APCDD1L: variants seen among roughly 807,000 people sequenced by gnomAD.
APCDD1L encodes the protein protein APCDD1-like.
APCDD1L carries 21 observed loss-of-function variants against 24.2 expected under a neutral mutation model. The observed-to-expected ratio is 0.87, with a 90% CI of 0.61 to 1.25. APCDD1L has a LOEUF of 1.25. Ranked by LOEUF, APCDD1L falls within the 50% of genes most tolerant of loss-of-function variation. APCDD1L has a pLI of 0.00. For synonymous variants in APCDD1L, 321 were observed against 323.6 expected (o/e 0.99, Z 0.09); for missense variants, 704 against 711.7 (o/e 0.99, Z 0.12).
rs1351732660 is a variant in APCDD1L, at chr20:58,460,673, C to T, written c.*117G>A. 45 of 1,274,246 alleles carry T rather than the reference C, an allele frequency of 3.5e-5. No homozygotes were observed. The East Asian group carries it at 1.1e-3, about 32-fold the overall frequency. The allele number at this position is 1,274,246 out of a possible 1,614,324, so 78.9% of individuals were successfully genotyped here. ...CAGGCAGAGTTTGGAAGCAGTGGGG[C>T]TGTGCATCCATCCATGACAGAGCAG... On this transcript the variant is annotated 3_prime_UTR_variant, in exon 4 of 4. Transcript: ENST00000371149. The surrounding 1 kb of genome is among the most constrained non-coding windows in gnomAD (Gnocchi z 4.2).
chr20:58,468,953 T>C (rs554169738), intron 2 of APCDD1L, among the ~76,000 whole-genome samples: 1 of 152,298 alleles, frequency 6.6e-6, no homozygotes, highest in South Asian at 2.1e-4. Context: ...TTTTCTTCCA[T>C]CTTTTTGATA....
chr20:58,495,103 C>A (rs1353774835), intron 1 of APCDD1L, among the ~76,000 whole-genome samples: 1 of 152,176 alleles, frequency 6.6e-6, no homozygotes, highest in Non-Finnish European at 1.5e-5. Flanking sequence ...TGCTCACATG[C>A]CTCCTTCAGC....
In APCDD1L at chr20:58,494,275, CT is replaced by C. The variant is rs1420345731; in HGVS notation, c.49+20383del. Among the ~76,000 whole-genome samples the C allele has an allele frequency of 1.5e-5, 2 of 131,886 alleles. No individual in the cohort carries two copies. The highest frequency in any genetic ancestry group is 3.3e-4 in the South Asian group (1 of 3,026). 86.5% of individuals were successfully genotyped at this position (131,886 alleles called of 152,430 possible). On this transcript the variant is annotated intron_variant, in intron 1 of 3. Coordinates refer to ENST00000371149, the MANE Select transcript of APCDD1L (RefSeq NM_153360.3). The surrounding 1 kb of genome is among the most constrained non-coding windows in gnomAD (Gnocchi z 4.8). ...GTCAACTGCATTTCTTTTTTCTTTT[CT>C]TTTCTTTTCTTACTTTTCTTTTCTC...
chr20:58,472,576 G>A (rs903144895), intron 1 of APCDD1L, among the ~76,000 whole-genome samples: 2 of 152,256 alleles, frequency 1.3e-5, no homozygotes, highest in Non-Finnish European at 1.5e-5. Flanking sequence ...GAAGGTATGA[G>A]TACAAATGCT....
rs1990277073 is a variant in APCDD1L at position 58,494,239 on chromosome 20, G to A, written c.49+20420C>T. Among the ~76,000 whole-genome samples the A allele has an allele frequency of 6.6e-6, 1 of 152,188 alleles. No individual in the cohort carries two copies. The highest frequency in any genetic ancestry group is 2.4e-5 in the African/African-American group (1 of 41,442). On this transcript the variant is annotated intron_variant, in intron 1 of 3. Transcript: ENST00000371149. The surrounding 1 kb of genome is among the most constrained non-coding windows in gnomAD (Gnocchi z 4.8). ...GTGGACCTGGGCAGGTGAAACTCAT[G>A]TGGTTTAAGGGTCAACTGCATTTCT...
At chr20:58,476,916 T>TA (rs1989921480) in intron 1 of APCDD1L, among the ~76,000 whole-genome samples, 6 of 150,826 alleles carry the variant, frequency 4.0e-5, no homozygotes, top group Admixed American at 3.3e-4. Flanking sequence ...TCGGCATAAA[T>TA]GGCATTTCCT....
Position 58,497,563 on chromosome 20 carries a change from G to A in APCDD1L, c.49+17096C>T, listed in dbSNP as rs1469032927. ...TTGTAGATGGCCATCTTCTCCCTGC[G>A]TCTCTTCACATCGTCTTCCTTCGAC... On this transcript the variant is annotated intron_variant, in intron 1 of 3. Coordinates refer to ENST00000371149, the MANE Select transcript of APCDD1L (RefSeq NM_153360.3). The surrounding 1 kb of genome is among the most constrained non-coding windows in gnomAD (Gnocchi z 4.3). Among the ~76,000 whole-genome samples the A allele has an allele frequency of 3.3e-5, 5 of 152,050 alleles. No individual in the cohort carries two copies. Among genetic ancestry groups the A allele is most frequent in the South Asian group, 2.1e-4 (1 of 4,832 alleles).
In APCDD1L at chr20:58,467,576, A is replaced by G. The variant is rs1169878232; in HGVS notation, c.271T>C (p.Tyr91His). 5 of 1,571,630 alleles carry G rather than the reference A, an allele frequency of 3.2e-6. No individual in the cohort carries two copies. Among genetic ancestry groups the G allele is most frequent in the Middle Eastern group, 3.4e-4 (2 of 5,954 alleles). Residue 91 changes from tyrosine (Y) to histidine (H), a missense_variant, in exon 3 of 4, where the codon TAC becomes CAC. By Grantham distance (83) the Tyr-to-His change is moderately conservative. Transcript: ENST00000371149. This position sits in a 1 kb window ranked among gnomAD's most constrained non-coding sequence, Gnocchi z 5.9. ...TCCCCGCAGAAGGGGTCCTCGTAGTAGAACTGGTGGGCTCGAAAGAGCCGG... is the reference window on the plus strand; with the variant it reads ...TCCCCGCAGAAGGGGTCCTCGTAGTGGAACTGGTGGGCTCGAAAGAGCCGG... Reference protein sequence around the residue: ...PSRLFRAHQFYYEDPFCGEPA... With the variant: ...PSRLFRAHQFHYEDPFCGEPA...
In APCDD1L at chr20:58,460,633, G is replaced by C; in HGVS notation, c.*157C>G. The stretch of plus-strand genomic sequence containing the variant: ...TTTGCAGGGGTTAAGCTCATGTCCT[G>C]AGCCACATGGGACACAGGCAGAGTT... On this transcript the variant is annotated 3_prime_UTR_variant, in exon 4 of 4. Coordinates refer to ENST00000371149, the MANE Select transcript of APCDD1L (RefSeq NM_153360.3). This position sits in a 1 kb window ranked among gnomAD's most constrained non-coding sequence, Gnocchi z 4.2. 1.0e-6 allele frequency: 1 copy of C among 1,004,254 alleles called. No homozygotes were observed. The highest frequency in any genetic ancestry group is 1.4e-6 in the Non-Finnish European group (1 of 730,646). 62.2% of individuals were successfully genotyped at this position (1,004,254 alleles called of 1,614,324 possible).
chr20:58,469,579 C>T (rs779873708), intron 2 of APCDD1L, among the ~76,000 whole-genome samples: 13 of 152,236 alleles, frequency 8.5e-5, no homozygotes, highest in Middle Eastern at 3.2e-3. Context: ...CAGCGTCCCC[C>T]CTTCCTGTAC....
rs1331685414 is a variant in APCDD1L at position 58,494,452 on chromosome 20, C to T, written c.49+20207G>A. 6.6e-6 allele frequency among the ~76,000 whole-genome samples: 1 copy of T among 152,120 alleles called. No homozygotes were observed. The highest frequency in any genetic ancestry group is 1.5e-5 in the Non-Finnish European group (1 of 68,026). ...GGCTCAAGCCATCCTCTGGCCTCAG[C>T]CTCCTGAGTAGCTGGGATTACAGGT... On this transcript the variant is annotated intron_variant, in intron 1 of 3. Transcript: ENST00000371149. This position sits in a 1 kb window ranked among gnomAD's most constrained non-coding sequence, Gnocchi z 4.8.
chr20:58,513,827 A>G, intron 1 of APCDD1L: 4 of 1,228,572 alleles, frequency 3.3e-6, no homozygotes, highest in Non-Finnish European at 4.3e-6. Flanking sequence ...CCAAAGCCAG[A>G]CGGGTTGATA....
chr20:58,496,214 G>A (rs780434742), intron 1 of APCDD1L, among the ~76,000 whole-genome samples: 3 of 152,222 alleles, frequency 2.0e-5, no homozygotes, highest in Admixed American at 6.5e-5. Flanking sequence ...GAGAGGCTGG[G>A]GAGGGACTGT....
intron 3 of APCDD1L, among the ~76,000 whole-genome samples, chr20:58,466,830 T>C (rs1377826428): frequency 6.6e-6 from 1 of 152,026 alleles, no homozygotes; most frequent in Non-Finnish European, 1.5e-5. Flanking sequence ...GATCCTGCAG[T>C]GCCCACGAGG....
intron 1 of APCDD1L, chr20:58,514,018 TTG>T: frequency 8.2e-7 from 1 of 1,222,662 alleles, no homozygotes; most frequent in Non-Finnish European, 1.1e-6. Flanking sequence ...CAGCTGGCCT[TTG>T]TACAGTTTTG....
At chr20:58,488,250 G>A (rs553087026) in intron 1 of APCDD1L, among the ~76,000 whole-genome samples, 4 of 152,162 alleles carry the variant, frequency 2.6e-5, no homozygotes, top group African/African-American at 9.6e-5. Flanking sequence ...CCTATACAAT[G>A]CAATAATAGG....
intron 1 of APCDD1L, among the ~76,000 whole-genome samples, chr20:58,486,396 G>T (rs890726880): frequency 6.6e-6 from 1 of 152,062 alleles, no homozygotes; most frequent in African/African-American, 2.4e-5. Context: ...GAAAATAGGT[G>T]TAAAGAAATT....
chr20:58,514,812 G>C lies in APCDD1L; in HGVS notation c.-105C>G, dbSNP rs957989446. On this transcript the variant is annotated 5_prime_UTR_variant, in exon 1 of 4. Transcript: ENST00000371149. ...GCTGCGGGCGCCGGCGGCCAGGCTG[G>C]AGTCCTGCGAAGAAGTTGCGAGGGT... 1.1e-6 allele frequency: 1 copy of C among 941,194 alleles called. No homozygotes were observed. Among genetic ancestry groups the C allele is most frequent in the East Asian group, 3.4e-5 (1 of 29,648 alleles). The allele number at this position is 941,194 out of a possible 1,614,324, so 58.3% of individuals were successfully genotyped here.
In APCDD1L at chr20:58,470,731, C is replaced by T. The variant is rs1198042717; in HGVS notation, c.66G>A (p.Ala22=). 5.2e-6 allele frequency: 8 copies of T among 1,539,254 alleles called. No individual in the cohort carries two copies. The highest frequency in any genetic ancestry group is 2.4e-5 in the East Asian group (1 of 41,002). ...LVLLGAHTAP[A]AGEAGGSCLR... The stretch of plus-strand genomic sequence containing the variant: ...GGCAGCTGCCCCCGGCCTCCCCAGC[C>T]GCCGGTGCAGTGTGGGCTGCAAAGC... The change falls in exon 2 of 4, where the codon GCG becomes GCA. Residue 22 remains alanine, a synonymous_variant. Transcript: ENST00000371149.
Sources: gnomAD v4.1 joint callset for allele counts (sites outside exome capture counted in the v4.1 genomes callset) on GRCh38, gnomAD v4.1.1 for gene constraint, Gnocchi (gnomAD v3.1) non-coding constraint, MANE v1.5 for transcripts, NCBI Gene and HGNC (gene_info 2026-07-23, HGNC 2026-07-21) for gene names.